The following DLGAP2 variants were observed in gnomAD, a reference collection of about 807,000 sequenced individuals.
The protein encoded by DLGAP2 is DLG associated protein 2.
DLGAP2 carries 26 observed loss-of-function variants against 100.3 expected under a neutral mutation model. The ratio of observed to expected loss-of-function variants is 0.26; its 90% CI spans 0.19 to 0.36. DLGAP2 has a LOEUF of 0.36. Ranked by LOEUF, DLGAP2 falls within the 10% of genes least tolerant of loss-of-function variation. The pLI, the probability that DLGAP2 is intolerant of heterozygous loss-of-function variation, is 1.00. For missense variants in DLGAP2, 1,858 were observed against 1,453.2 expected (o/e 1.28, Z -4.53); for synonymous variants, 886 against 630.1 (o/e 1.41, Z -6.08).
intron 2 of DLGAP2, among the ~76,000 whole-genome samples, chr8:972,616 C>CTTATTTATTTAT (rs112414168): frequency 3.3e-5 from 5 of 150,190 alleles, no homozygotes; most frequent in African/African-American, 9.8e-5. Context: ...GTATTTTTTT[C>CTTATTTATTTAT]TTATTTATTT....
At chr8:756,049 AG>A (rs1175028217) in intron 1 of DLGAP2, among the ~76,000 whole-genome samples, 6 of 152,162 alleles carry the variant, frequency 3.9e-5, no homozygotes, top group Admixed American at 2.0e-4. Flanking sequence ...CAAGGCAGTT[AG>A]GGGCCAGGCT....
intron 3 of DLGAP2, among the ~76,000 whole-genome samples, chr8:1,458,120 A>G (rs1798373116): frequency 6.7e-6 from 1 of 150,110 alleles, no homozygotes; most frequent in South Asian, 2.1e-4. Context: ...GTTGGCCAGG[A>G]TGGTCTTGAT....
At chr8:1,026,794 G>T (rs1342482712) in intron 2 of DLGAP2, among the ~76,000 whole-genome samples, 1 of 152,158 alleles carries the variant, frequency 6.6e-6, no homozygotes, top group Non-Finnish European at 1.5e-5. Flanking sequence ...TATGCTTTAG[G>T]TAAAATATTT....
chr8:771,932 C>A (rs1159134997), intron 1 of DLGAP2, among the ~76,000 whole-genome samples: 3 of 152,174 alleles, frequency 2.0e-5, no homozygotes, highest in African/African-American at 7.2e-5. Context: ...GAGACAGGTT[C>A]TCTCTCTGTC....
At chr8:1,237,079 C>A (rs539571626) in intron 2 of DLGAP2, among the ~76,000 whole-genome samples, 1 of 132,058 alleles carries the variant, frequency 7.6e-6, no homozygotes, top group South Asian at 2.6e-4. Flanking sequence ...TGTCACATGG[C>A]GCCGTGTCTA....
At chr8:1,443,493 G>C (rs115866445) in intron 3 of DLGAP2, among the ~76,000 whole-genome samples, 1,881 of 152,306 alleles carry the variant, frequency 0.012, 39 homozygotes, top group African/African-American at 0.042. Flanking sequence ...CTGCAAGAGA[G>C]GGGTGGCGTG....
At chr8:969,155 G>T (rs1025740476) in intron 2 of DLGAP2, among the ~76,000 whole-genome samples, 1 of 152,108 alleles carries the variant, frequency 6.6e-6, no homozygotes, top group Non-Finnish European at 1.5e-5. Flanking sequence ...ATGGGCTCAC[G>T]CAATCCCCTC....
chr8:881,666 A>ATATATATATATATATATATATATAT lies in DLGAP2; in HGVS notation c.19-26246_19-26245insTATATATATATATATATATATATAT. Among the ~76,000 whole-genome samples the ATATATATATATATATATATATATAT allele has an allele frequency of 7.1e-4, 93 of 131,040 alleles. 1 individual carries two copies. The highest frequency in any genetic ancestry group is 2.4e-3 in the African/African-American group (87 of 36,736). The allele number at this position is 131,040 out of a possible 152,430, so 86.0% of individuals were successfully genotyped here. On this transcript the variant is annotated intron_variant, in intron 1 of 14. Transcript: ENST00000637795. ...AGGCGCACGCCACCACTTGTGGCTG[A>ATATATATATATATATATATATATAT]ACACACACACACACACTTTTTTTTT... is the stretch of plus-strand genomic sequence containing the variant.
In DLGAP2 at chr8:940,932, G is replaced by T. The variant is rs1200473844; in HGVS notation, c.73+32966G>T. Among the ~76,000 whole-genome samples, 3 of 152,158 alleles carry T rather than the reference G, an allele frequency of 2.0e-5. No homozygotes were observed. In the East Asian group the frequency reaches 5.8e-4, roughly 29 times the overall value. On this transcript the variant is annotated intron_variant, in intron 2 of 14. Coordinates refer to ENST00000637795, the MANE Select transcript of DLGAP2 (RefSeq NM_001346810.2). ...AGCCCTGAGATGTCCCCCAGAGCGG[G>T]CGTAGGGTACCACCTGCCAGGAGAG...
At chr8:1,135,550 G>C (rs558057202) in intron 2 of DLGAP2, among the ~76,000 whole-genome samples, 3 of 117,310 alleles carry the variant, frequency 2.6e-5, no homozygotes, top group Non-Finnish European at 4.9e-5. Flanking sequence ...AGAAGCGCTA[G>C]ACTCTGAAAA....
intron 8 of DLGAP2, among the ~76,000 whole-genome samples, chr8:1,652,124 A>G (rs1168909346): frequency 6.6e-6 from 1 of 152,226 alleles, no homozygotes; most frequent in East Asian, 1.9e-4. Context: ...TCTTTCCTAA[A>G]TGATTCCATA....
intron 1 of DLGAP2, among the ~76,000 whole-genome samples, chr8:800,518 C>A (rs919528687): frequency 6.6e-6 from 1 of 152,236 alleles, no homozygotes; most frequent in African/African-American, 2.4e-5. Context: ...GGGCCGGGGC[C>A]TGTGTCCTGC....
chr8:1,553,000 G>A (rs548623143), intron 5 of DLGAP2, among the ~76,000 whole-genome samples: 5 of 152,178 alleles, frequency 3.3e-5, no homozygotes, highest in South Asian at 2.1e-4. Flanking sequence ...CGGATTCGCC[G>A]TGGCTTAGCT....
chr8:1,326,512 C>T (rs1385199648), intron 3 of DLGAP2, among the ~76,000 whole-genome samples: 3 of 151,742 alleles, frequency 2.0e-5, no homozygotes, highest in Admixed American at 6.6e-5. Context: ...CAGGACACGG[C>T]GTGCACTCGG....
intron 3 of DLGAP2, among the ~76,000 whole-genome samples, chr8:1,371,459 TG>T (rs1802234719): frequency 6.6e-6 from 1 of 152,226 alleles, no homozygotes; most frequent in Admixed American, 6.5e-5. Flanking sequence ...TGACTCAGGC[TG>T]GTGCTCTGCC....
chr8:1,339,266 G>A (rs1199836106), intron 3 of DLGAP2, among the ~76,000 whole-genome samples: 1 of 150,592 alleles, frequency 6.6e-6, no homozygotes, highest in African/African-American at 2.5e-5. Context: ...GAGGCGTCAG[G>A]ACCCGGGAGG....
In DLGAP2 at chr8:1,207,861, A is replaced by G. The variant is rs1402230520; in HGVS notation, c.74-50990A>G. 2.0e-5 allele frequency among the ~76,000 whole-genome samples: 3 copies of G among 151,892 alleles called. No individual in the cohort carries two copies. In the East Asian group the frequency reaches 5.8e-4, roughly 29 times the overall value. ...CCATATGTTTGTTGGCCATTTTTGT[A>G]TCTTCTTTTGAGATTTGCCTATTCC... is the stretch of plus-strand genomic sequence containing the variant. On this transcript the variant is annotated intron_variant, in intron 2 of 14. Transcript: ENST00000637795.
chr8:1,022,722 G>A (rs1024637282), intron 2 of DLGAP2, among the ~76,000 whole-genome samples: 20 of 148,942 alleles, frequency 1.3e-4, no homozygotes, highest in Admixed American at 1.3e-4. Context: ...GGACAGTACC[G>A]TGCCGAGGTA....
At chr8:846,347 A>G (rs1797071419) in intron 1 of DLGAP2, among the ~76,000 whole-genome samples, 1 of 152,118 alleles carries the variant, frequency 6.6e-6, no homozygotes, top group Admixed American at 6.5e-5. Context: ...CTTCTGTGAG[A>G]TTGGCTTTCT....
Sources: allele counts gnomAD v4.1 joint callset (sites outside exome capture counted in the v4.1 genomes callset), GRCh38; gene constraint gnomAD v4.1.1; transcripts MANE v1.5; gene names NCBI Gene and HGNC (gene_info 2026-07-23, HGNC 2026-07-21).